Variants in COL11A1 observed in about 807,000 individuals in gnomAD.
COL11A1 encodes collagen alpha-1(XI) chain.
COL11A1 carries 74 observed loss-of-function variants against 265.2 expected under a neutral mutation model. The ratio of observed to expected loss-of-function variants is 0.28; its 90% CI spans 0.23 to 0.34. The LOEUF (loss-of-function observed/expected upper bound fraction) is 0.34, where lower values mean the gene tolerates loss of function less well. Among genes scored for constraint, COL11A1 ranks in the 10% least tolerant of loss-of-function variants. COL11A1 has a pLI of 1.00. For missense variants in COL11A1, 2,165 were observed against 2,263.6 expected (o/e 0.96, Z 0.88); for synonymous variants, 816 against 727.6 (o/e 1.12, Z -1.96).
chr1:102,973,516 C>T (rs1173839768), intron 36 of COL11A1, among the ~76,000 whole-genome samples: 1 of 152,070 alleles, frequency 6.6e-6, no homozygotes, highest in South Asian at 2.1e-4. Context: ...CTTTATGTTC[C>T]TAAACAATAA....
chr1:102,904,951 T>G (rs1052593874), intron 54 of COL11A1, among the ~76,000 whole-genome samples: 3 of 151,970 alleles, frequency 2.0e-5, no homozygotes, highest in African/African-American at 7.3e-5. Context: ...CTATTCACAA[T>G]AGCAAAGACT....
intron 28 of COL11A1, 112 bp downstream of exon 28, chr1:102,995,752 G>A: frequency 1.2e-6 from 1 of 860,190 alleles, no homozygotes; most frequent in Non-Finnish European, 1.9e-6. Flanking sequence ...TACTAGCATT[G>A]CGTAGTATGT....
At position 103,051,692 on chromosome 1, in the gene COL11A1, C is replaced by G. The variant is rs144424278; in HGVS notation, c.652-20448G>C. On this transcript the variant is annotated intron_variant, in intron 4 of 66. Coordinates refer to ENST00000370096, the MANE Select transcript of COL11A1 (RefSeq NM_001854.4). ...TGCAGAAATCACCTGTCTTCTGCAT[C>G]GCTCACGCTGGGAGCTGTAGACTGG... Among the ~76,000 whole-genome samples, 1,445 of 152,292 alleles carry G rather than the reference C, an allele frequency of 9.5e-3. 27 individuals are homozygous for G. The highest frequency in any genetic ancestry group is 0.032 in the African/African-American group (1,340 of 41,564).
Position 103,108,221 on chromosome 1 carries a change from T to C in COL11A1, c.-43A>G, listed in dbSNP as rs745783051. 2.0e-6 allele frequency: 3 copies of C among 1,534,064 alleles called. No individual in the cohort carries two copies. The highest frequency in any genetic ancestry group is 2.3e-5 in the East Asian group (1 of 44,410). The stretch of plus-strand genomic sequence containing the variant: ...ACAACTGTGAACTCAACCCACGAAA[T>C]TGCGACTGCAGACCAACTTCGTCCT... On this transcript the variant is annotated 5_prime_UTR_variant, in exon 1 of 67. Coordinates refer to ENST00000370096, the MANE Select transcript of COL11A1 (RefSeq NM_001854.4).
chr1:103,082,667 A>G, intron 2 of COL11A1, 138 bp downstream of exon 2: 3 of 746,370 alleles, frequency 4.0e-6, no homozygotes, highest in Non-Finnish European at 4.2e-6. Flanking sequence ...AAAGAATTGC[A>G]TTTTACCATA....
chr1:102,919,413 T>C (rs567619978), intron 49 of COL11A1, among the ~76,000 whole-genome samples: 1 of 151,700 alleles, frequency 6.6e-6, no homozygotes, highest in East Asian at 1.9e-4. Flanking sequence ...TTAAATATAA[T>C]ATAAAATACA....
chr1:103,075,006 T>C (rs1190019391), intron 3 of COL11A1, among the ~76,000 whole-genome samples: 1 of 152,136 alleles, frequency 6.6e-6, no homozygotes, highest in East Asian at 1.9e-4. Flanking sequence ...CACAGTAGAA[T>C]TAGCTGTCTG....
intron 37 of COL11A1, among the ~76,000 whole-genome samples, chr1:102,968,062 T>A (rs1661617388): frequency 6.6e-6 from 1 of 152,212 alleles, no homozygotes. Context: ...TGTTTGCAAG[T>A]ATCTAATACA....
At position 102,889,497 on chromosome 1, in the gene COL11A1, C is replaced by T. The variant is rs777371253; in HGVS notation, c.4422G>A (p.Gly1474=). The T allele has an allele frequency of 1.9e-6, 3 of 1,613,562 alleles. No individual in the cohort carries two copies. The South Asian group carries it at 3.3e-5, about 18-fold the overall frequency. The change falls in exon 59 of 67, where the codon GGG becomes GGA. Residue 1474 remains glycine (G), a synonymous_variant. Coordinates refer to ENST00000370096, the MANE Select transcript of COL11A1 (RefSeq NM_001854.4). ...CTGGAGATCCTTGAGTTCCAGGGAG[C>T]CCTCGGTCACCTTTTTCCCCTTGTT... ...PGEQGEKGDR[G]LPGTQGSPGA...
At chr1:102,960,924 G>A (rs1025223403) in intron 41 of COL11A1, among the ~76,000 whole-genome samples, 1 of 152,068 alleles carries the variant, frequency 6.6e-6, no homozygotes, top group East Asian at 1.9e-4. Flanking sequence ...AAGGGGATAA[G>A]AAAATGAATC....
intron 1 of COL11A1, among the ~76,000 whole-genome samples, chr1:103,089,330 C>G (rs747398531): frequency 1.3e-5 from 2 of 152,106 alleles, no homozygotes; most frequent in Non-Finnish European, 2.9e-5. Flanking sequence ...TTAGCTCATC[C>G]AAGAGGATGA....
intron 25 of COL11A1, 71 bp from the exon 26 acceptor site, chr1:102,997,195 C>A (rs1664715028): frequency 1.5e-6 from 2 of 1,319,092 alleles, no homozygotes; most frequent in East Asian, 2.3e-5. Context: ...GAAAGTATTT[C>A]TTTTGTTATT....
At chr1:102,978,591 T>A in intron 35 of COL11A1, 117 bp downstream of exon 35, 1 of 1,107,734 alleles carries the variant, frequency 9.0e-7, no homozygotes, top group Non-Finnish European at 1.4e-6. Context: ...AAATTCAGAC[T>A]AGATTTTGTG....
At chr1:103,035,677 C>A (rs1048614355) in intron 4 of COL11A1, among the ~76,000 whole-genome samples, 3 of 151,882 alleles carry the variant, frequency 2.0e-5, no homozygotes, top group Admixed American at 2.0e-4. Flanking sequence ...TGAAGCATAA[C>A]ATAAAGCAGA....
chr1:103,005,746 A>T, intron 18 of COL11A1, 92 bp downstream of exon 18: 1 of 1,463,730 alleles, frequency 6.8e-7, no homozygotes, highest in Non-Finnish European at 9.5e-7. Context: ...CGTTAAAATT[A>T]ATTTTTCTTC....
chr1:102,959,706 A>G (rs1318938065), intron 41 of COL11A1, among the ~76,000 whole-genome samples: 1 of 152,240 alleles, frequency 6.6e-6, no homozygotes, highest in Non-Finnish European at 1.5e-5. Flanking sequence ...CAAATAAATA[A>G]AAGTACATTT....
At chr1:103,050,523 TA>T (rs1669724595) in intron 4 of COL11A1, among the ~76,000 whole-genome samples, 1 of 152,194 alleles carries the variant, frequency 6.6e-6, no homozygotes, top group African/African-American at 2.4e-5. Flanking sequence ...TCAAAGTTTT[TA>T]ACTTCTTTGC....
chr1:103,092,856 C>CACAT (rs376246835), intron 1 of COL11A1, among the ~76,000 whole-genome samples: 21 of 152,122 alleles, frequency 1.4e-4, no homozygotes, highest in African/African-American at 4.6e-4. Flanking sequence ...TCATGACACA[C>CACAT]ACATACATAC....
intron 43 of COL11A1, 102 bp downstream of exon 43, chr1:102,940,225 C>A (rs775405827): frequency 2.1e-6 from 2 of 952,408 alleles, no homozygotes; most frequent in Non-Finnish European, 1.7e-6. Context: ...AAAAGGTAAC[C>A]TTTCACCTGG....
Sources: allele counts gnomAD v4.1 joint callset (sites outside exome capture counted in the v4.1 genomes callset), GRCh38; gene constraint gnomAD v4.1.1; transcripts MANE v1.5; gene names NCBI Gene and HGNC (gene_info 2026-07-23, HGNC 2026-07-21).